SLC45A1: variants seen among roughly 807,000 people sequenced by gnomAD.
SLC45A1 encodes solute carrier family 45 member 1, also known as proton-associated sugar transporter A.
In SLC45A1, 28 loss-of-function variants were observed where a neutral mutation model predicts 57.6. The ratio of observed to expected loss-of-function variants is 0.49; its 90% CI spans 0.36 to 0.67. The LOEUF is 0.67. SLC45A1 is among the 30% of genes least tolerant of loss of function. The pLI is 0.00. For synonymous variants in SLC45A1, 459 were observed against 471.5 expected (o/e 0.97, Z 0.34); for missense variants, 814 against 1,041.5 (o/e 0.78, Z 3.01).
At chr1:8,334,434 C>G (rs1640537909) in intron 5 of SLC45A1, among the ~76,000 whole-genome samples, 1 of 151,256 alleles carries the variant, frequency 6.6e-6, no homozygotes, top group South Asian at 2.2e-4. Flanking sequence ...TCTTTGCTCT[C>G]AAACATCTAA....
chr1:8,334,990 G>A (rs980400193), intron 5 of SLC45A1, among the ~76,000 whole-genome samples: 1 of 152,140 alleles, frequency 6.6e-6, no homozygotes, highest in Non-Finnish European at 1.5e-5. Flanking sequence ...TGTGTGGTGG[G>A]GGTTCCACCT....
rs750824191 is a variant in SLC45A1 at position 8,330,503 on chromosome 1, C to G, written c.1010C>G (p.Pro337Arg). The change falls in exon 5 of 9, where the codon CCC (proline) becomes CGC (arginine). Residue 337 changes from proline (P) to arginine (R), a missense_variant. By Grantham distance (103) the Pro-to-Arg change is moderately radical. Transcript: ENST00000471889. The surrounding 1 kb of genome is among the most constrained non-coding windows in gnomAD (Gnocchi z 8.4). The stretch of plus-strand genomic sequence containing the variant: ...CACACGGCCACCAACTTCTCCAGCC[C>G]CATCTCGCCGCCCAGCCCCCTCACG... ...PSHTATNFSSPISPPSPLTPK... is the reference protein window; with the variant it reads ...PSHTATNFSSRISPPSPLTPK... 1 of 1,613,178 alleles carries G rather than the reference C, an allele frequency of 6.2e-7. No homozygotes were observed. The highest frequency in any genetic ancestry group is 8.5e-7 in the Non-Finnish European group (1 of 1,179,952).
chr1:8,334,253 C>T (rs186556231), intron 5 of SLC45A1, among the ~76,000 whole-genome samples: 132 of 152,344 alleles, frequency 8.7e-4, no homozygotes, highest in African/African-American at 3.1e-3. Context: ...CCAGGCTCAA[C>T]GGAGACAGAG....
chr1:8,319,422 C>T (rs141841224), intron 1 of SLC45A1, among the ~76,000 whole-genome samples: 1 of 152,214 alleles, frequency 6.6e-6, no homozygotes, highest in African/African-American at 2.4e-5. Context: ...ATTCAAACTA[C>T]ATTGACATTG....
chr1:8,322,210 G>C (rs1257097578), intron 1 of SLC45A1, among the ~76,000 whole-genome samples: 1 of 139,932 alleles, frequency 7.1e-6, no homozygotes, highest in African/African-American at 2.7e-5. Context: ...TGGGTGGATG[G>C]ATGGGTGGAT....
At chr1:8,331,638 C>T (rs1200398415) in intron 5 of SLC45A1, among the ~76,000 whole-genome samples, 1 of 151,988 alleles carries the variant, frequency 6.6e-6, no homozygotes, top group Non-Finnish European at 1.5e-5. Flanking sequence ...AAGACCTTGT[C>T]TCAGAAAAAG....
In SLC45A1 at chr1:8,330,890, G is replaced by A; in HGVS notation, c.1397G>A (p.Gly466Glu). The A allele has an allele frequency of 6.2e-7, 1 of 1,603,070 alleles. No homozygotes were observed. The highest frequency in any genetic ancestry group is 8.5e-7 in the Non-Finnish European group (1 of 1,172,232). Residue 466 changes from glycine (G) to glutamate (E), a missense_variant, in exon 5 of 9, where the codon GGG (glycine) becomes GAG (glutamate). Gly to Glu is a moderately conservative substitution (Grantham distance 98). Coordinates refer to ENST00000471889, the MANE Select transcript of SLC45A1 (RefSeq NM_001080397.3). This position sits in a 1 kb window ranked among gnomAD's most constrained non-coding sequence, Gnocchi z 8.4. ...TLAIPDAAGG[G>E]GPETSRRRNV... ...GCCATCCCGGACGCAGCCGGAGGAG[G>A]GGGTCCCGAAACCAGCAGGAGAAGG...
chr1:8,343,989 C>T lies in SLC45A1; in HGVS notation c.2223C>T (p.His741=), dbSNP rs761520418. ...IPPSDAADEE[H]RPLLLNV is the part of the protein sequence containing the mutation. Reference sequence around the variant, plus strand: ...CCAGCGACGCTGCAGACGAGGAGCACCGGCCCCTCCTGCTGAACGTCTGAC... The same window carrying T: ...CCAGCGACGCTGCAGACGAGGAGCATCGGCCCCTCCTGCTGAACGTCTGAC... The change falls in exon 9 of 9, where the codon CAC becomes CAT. Residue 741 remains histidine, a synonymous_variant. Transcript: ENST00000471889. This position sits in a 1 kb window ranked among gnomAD's most constrained non-coding sequence, Gnocchi z 7.7. 1.9e-6 allele frequency: 3 copies of T among 1,610,732 alleles called. No homozygotes were observed. Among genetic ancestry groups the T allele is most frequent in the East Asian group, 4.5e-5 (2 of 44,780 alleles).
chr1:8,331,538 G>A (rs1326658290), intron 5 of SLC45A1, among the ~76,000 whole-genome samples: 2 of 152,154 alleles, frequency 1.3e-5, no homozygotes, highest in African/African-American at 4.8e-5. Flanking sequence ...CCACTCTGGA[G>A]GCTGAAGAAG....
intron 6 of SLC45A1, 73 bp from the exon 7 acceptor site, chr1:8,337,743 C>G: frequency 7.3e-7 from 1 of 1,375,030 alleles, no homozygotes; most frequent in Non-Finnish European, 1.0e-6. Flanking sequence ...AACCAGTAGA[C>G]GCATGTTGGT....
chr1:8,324,517 C>A lies in SLC45A1; in HGVS notation c.188C>A (p.Pro63His). The change falls in exon 2 of 9, where the codon CCC becomes CAC. Residue 63 changes from proline (P) to histidine (H), a missense_variant. Transcript: ENST00000471889. Reference protein sequence around the residue: ...RKCIRPSPPPPPNTPCPLELV... With the variant: ...RKCIRPSPPPHPNTPCPLELV... ...TGCATTCGTCCCTCCCCACCCCCGC[C>A]CCCCAACACCCCGTGCCCGCTTGAG... 6.2e-7 allele frequency: 1 copy of A among 1,611,962 alleles called. No homozygotes were observed. Among genetic ancestry groups the A allele is most frequent in the Non-Finnish European group, 8.5e-7 (1 of 1,179,420 alleles).
At chr1:8,318,810 A>G (rs376366123) in intron 1 of SLC45A1, among the ~76,000 whole-genome samples, 2 of 152,200 alleles carry the variant, frequency 1.3e-5, no homozygotes, top group East Asian at 1.9e-4. Flanking sequence ...TTCAGGCTGC[A>G]CCTGGCCTGG....
chr1:8,341,019 C>T (rs530227045), intron 8 of SLC45A1, among the ~76,000 whole-genome samples: 61 of 152,032 alleles, frequency 4.0e-4, no homozygotes, highest in Admixed American at 1.2e-3. Context: ...AGTGAAACCC[C>T]ATCTCTACTA....
At chr1:8,320,535 T>C (rs751293886) in intron 1 of SLC45A1, among the ~76,000 whole-genome samples, 16 of 151,912 alleles carry the variant, frequency 1.1e-4, no homozygotes, top group South Asian at 2.1e-4. Flanking sequence ...TTCCAGCTAT[T>C]TGGGAGGCTG....
intron 8 of SLC45A1, among the ~76,000 whole-genome samples, chr1:8,340,859 T>C (rs1041508697): frequency 2.0e-5 from 3 of 152,150 alleles, no homozygotes; most frequent in Non-Finnish European, 4.4e-5. Context: ...TTACGGATTA[T>C]GGATTTAGCA....
chr1:8,334,068 C>T (rs934533148), intron 5 of SLC45A1, among the ~76,000 whole-genome samples: 1 of 152,244 alleles, frequency 6.6e-6, no homozygotes, highest in Admixed American at 6.5e-5. Flanking sequence ...TCTTTGTCAA[C>T]ACTGGATCGT....
At position 8,330,771 on chromosome 1, in the gene SLC45A1, G is replaced by A. The variant is rs777708048; in HGVS notation, c.1278G>A (p.Leu426=). 1.2e-6 allele frequency: 2 copies of A among 1,613,340 alleles called. No homozygotes were observed. Among genetic ancestry groups the A allele is most frequent in the East Asian group, 4.5e-5 (2 of 44,884 alleles). Residue 426 remains leucine, a synonymous_variant, in exon 5 of 9, where the codon CTG becomes CTA. Coordinates refer to ENST00000471889, the MANE Select transcript of SLC45A1 (RefSeq NM_001080397.3). This position sits in a 1 kb window ranked among gnomAD's most constrained non-coding sequence, Gnocchi z 8.4. ...TTCTGGAGGGCAGAGAGGGTGCCCT[G>A]ACCTCCGGCTGTGACGGGGACATTC... is the stretch of plus-strand genomic sequence containing the variant. ...RGLLEGREGA[L]TSGCDGDILR... is the part of the protein sequence containing the mutation.
In SLC45A1 at chr1:8,325,207, A is replaced by C. The variant is rs1469903200; in HGVS notation, c.398-91A>C. 3 of 795,252 alleles carry C rather than the reference A, an allele frequency of 3.8e-6. No individual in the cohort carries two copies. The highest frequency in any genetic ancestry group is 6.5e-6 in the Non-Finnish European group (3 of 459,572). The allele number at this position is 795,252 out of a possible 1,614,324, so 49.3% of individuals were successfully genotyped here. A position where few individuals can be genotyped will look rare whatever the true frequency, so the allele number is the denominator to read the frequency against. On this transcript the variant is annotated intron_variant, in intron 2 of 8. Coordinates refer to ENST00000471889, the MANE Select transcript of SLC45A1 (RefSeq NM_001080397.3). The surrounding 1 kb of genome is among the most constrained non-coding windows in gnomAD (Gnocchi z 6.3). ...TCTTTTGATGCACTGGGGGTGTTTG[A>C]GAGCAGGCACTTCAGGAATGTGGAG...
chr1:8,331,073 C>T (rs890284832), intron 5 of SLC45A1, 137 bp downstream of exon 5: 3 of 1,182,350 alleles, frequency 2.5e-6, no homozygotes, highest in Non-Finnish European at 3.5e-6. Context: ...AGTGCTTTGA[C>T]CTAAAGAGAA....
Sources: gnomAD v4.1 joint callset for allele counts (sites outside exome capture counted in the v4.1 genomes callset) on GRCh38, gnomAD v4.1.1 for gene constraint, Gnocchi (gnomAD v3.1) non-coding constraint, MANE v1.5 for transcripts, NCBI Gene and HGNC (gene_info 2026-07-23, HGNC 2026-07-21) for gene names.